Variants in EFCAB7 observed in about 807,000 individuals in gnomAD.
EFCAB7 encodes EF-hand calcium-binding domain-containing protein 7.
In EFCAB7, 66 loss-of-function variants were observed where a neutral mutation model predicts 77.1. That is an observed-to-expected ratio of 0.86 (90% CI 0.70 to 1.05). The LOEUF is 1.05. EFCAB7 is among the 50% of genes least tolerant of loss of function. EFCAB7 has a pLI of 0.00. For missense variants in EFCAB7, 638 were observed against 730.5 expected (o/e 0.87, Z 1.46); for synonymous variants, 225 against 243.3 (o/e 0.92, Z 0.70).
the EFCAB7 span, among the ~76,000 whole-genome samples, chr1:63,581,767 G>T: frequency 6.6e-6 from 1 of 152,028 alleles, no homozygotes; most frequent in Non-Finnish European, 1.5e-5. Context: ...AACCAAAAAA[G>T]CAAGAAAAAG....
At chr1:63,543,315 A>G (rs1475221883) in intron 6 of EFCAB7, among the ~76,000 whole-genome samples, 1 of 152,192 alleles carries the variant, frequency 6.6e-6, no homozygotes, top group Non-Finnish European at 1.5e-5. Context: ...TTTTCATGCT[A>G]GTACCACACC....
intron 13 of EFCAB7, among the ~76,000 whole-genome samples, chr1:63,571,726 A>G (rs918353404): frequency 6.6e-6 from 1 of 150,666 alleles, no homozygotes; most frequent in South Asian, 2.1e-4. Flanking sequence ...GTACTTCACA[A>G]AGTTAAAGTA....
At chr1:63,579,658 C>G in the EFCAB7 span, among the ~76,000 whole-genome samples, 1 of 152,192 alleles carries the variant, frequency 6.6e-6, no homozygotes, top group Admixed American at 6.5e-5. Context: ...TTTTGCACTT[C>G]CAGCAGCAAT....
In EFCAB7 at chr1:63,545,984, G is replaced by C; in HGVS notation, c.873G>C (p.Gln291His). 6.2e-7 allele frequency: 1 copy of C among 1,613,712 alleles called. No individual in the cohort carries two copies. Among genetic ancestry groups the C allele is most frequent in the Admixed American group, 1.7e-5 (1 of 60,004 alleles). ...AAGATGGTGAAATCATTAGTCATCA[G>C]TACAGGATGCAAATAGCTCAGAGGT... ...LEEDGEIISHQYRMQIAQRSM... is the reference protein window; with the variant it reads ...LEEDGEIISHHYRMQIAQRSM... The change falls in exon 7 of 14, where the codon CAG (glutamine) becomes CAC (histidine). Residue 291 changes from glutamine to histidine, a missense_variant. By Grantham distance (24) the Gln-to-His change is conservative. Coordinates refer to ENST00000371088, the MANE Select transcript of EFCAB7 (RefSeq NM_032437.4).
At chr1:63,563,290 A>T (rs1172574775) in intron 11 of EFCAB7, among the ~76,000 whole-genome samples, 1 of 152,222 alleles carries the variant, frequency 6.6e-6, no homozygotes, top group Admixed American at 6.5e-5. Flanking sequence ...TATCATTTAA[A>T]TTCAAAAGGT....
At chr1:63,562,442 AATTTATTTAT>A (rs1346875919) in intron 11 of EFCAB7, among the ~76,000 whole-genome samples, 3 of 43,952 alleles carry the variant, frequency 6.8e-5, no homozygotes, top group Admixed American at 3.1e-4. Flanking sequence ...AGGCCTTCTT[AATTTATTTAT>A]ATATATATAT....
At chr1:63,546,153 A>G in intron 7 of EFCAB7, 96 bp downstream of exon 7, 1 of 1,312,724 alleles carries the variant, frequency 7.6e-7, no homozygotes, top group Non-Finnish European at 1.0e-6. Context: ...TAGGGAAGAA[A>G]ATAATCTGCC....
chr1:63,546,397 C>G (rs1404582788), intron 7 of EFCAB7, among the ~76,000 whole-genome samples: 1 of 151,788 alleles, frequency 6.6e-6, no homozygotes, highest in Non-Finnish European at 1.5e-5. Context: ...CGGAGTCTCC[C>G]TCTGTTGCCC....
intron 7 of EFCAB7, chr1:63,550,977 T>G (rs554870712): frequency 2.6e-5 from 4 of 152,186 alleles, no homozygotes; most frequent in Non-Finnish European, 5.9e-5. Context: ...GGTAGAAATG[T>G]TAAATACACA....
intron 10 of EFCAB7, among the ~76,000 whole-genome samples, chr1:63,559,063 A>AGGCTGAGG (rs1310209123): frequency 6.6e-6 from 1 of 151,782 alleles, no homozygotes; most frequent in Non-Finnish European, 1.5e-5. Context: ...GCACTTTGGG[A>AGGCTGAGG]GGCTGAGGTG....
chr1:63,570,783 G>GATT, intron 12 of EFCAB7: 1 of 298,024 alleles, frequency 3.4e-6, no homozygotes, highest in South Asian at 8.6e-5. Flanking sequence ...TGGGAATGAA[G>GATT]ATTAAAAGGT....
At chr1:63,547,437 G>C (rs1646912678) in intron 7 of EFCAB7, 1 of 152,180 alleles carries the variant, frequency 6.6e-6, no homozygotes, top group Non-Finnish European at 1.5e-5. Context: ...TAAGTGTTAT[G>C]GGAAAATCAG....
At chr1:63,583,116 A>C in the EFCAB7 span, among the ~76,000 whole-genome samples, 2 of 152,212 alleles carry the variant, frequency 1.3e-5, no homozygotes, top group Non-Finnish European at 2.9e-5. Flanking sequence ...TTTAATGCAG[A>C]CTAATGTGCC....
chr1:63,582,073 A>G, the EFCAB7 span, among the ~76,000 whole-genome samples: 1 of 152,254 alleles, frequency 6.6e-6, no homozygotes, highest in African/African-American at 2.4e-5. Context: ...TGTTGTGAGT[A>G]TCCACTGAAA....
At chr1:63,558,272 G>A (rs190859597) in intron 10 of EFCAB7, among the ~76,000 whole-genome samples, 1,640 of 152,204 alleles carry the variant, frequency 0.011, 30 homozygotes, top group African/African-American at 0.037. Flanking sequence ...GTGGCTTTCT[G>A]ATGGTAAAGT....
Position 63,525,793 on chromosome 1 carries a change from T to G in EFCAB7, c.187+34T>G, listed in dbSNP as rs368617506. 2.1e-6 allele frequency: 3 copies of G among 1,428,952 alleles called. No individual in the cohort carries two copies. In the African/African-American group the frequency reaches 4.5e-5, roughly 21 times the overall value. The allele number at this position is 1,428,952 out of a possible 1,614,324, so 88.5% of individuals were successfully genotyped here. Reference sequence around the variant, plus strand: ...TTAAAATTTTTAAATCTTTCACCTTTTTGTTGAAAGTTAATAAATAGGTCC... The same window carrying G: ...TTAAAATTTTTAAATCTTTCACCTTGTTGTTGAAAGTTAATAAATAGGTCC... On this transcript the variant is annotated intron_variant, in intron 2 of 13. Transcript: ENST00000371088.
At chr1:63,569,904 G>A (rs1647216350) in intron 12 of EFCAB7, 1 of 152,172 alleles carries the variant, frequency 6.6e-6, no homozygotes. Flanking sequence ...GGTGAAGGGA[G>A]TTACTACGTT....
At chr1:63,543,956 CTTTTT>C (rs1288386708) in intron 6 of EFCAB7, among the ~76,000 whole-genome samples, 1 of 148,912 alleles carries the variant, frequency 6.7e-6, no homozygotes, top group East Asian at 2.0e-4. Flanking sequence ...CTTTTCTTTT[CTTTTT>C]TTCTTTTTTC....
chr1:63,563,716 C>T (rs1647137402), intron 11 of EFCAB7, among the ~76,000 whole-genome samples: 1 of 152,138 alleles, frequency 6.6e-6, no homozygotes, highest in Admixed American at 6.5e-5. Flanking sequence ...AATCTTTTTT[C>T]TTACTAAATT....
Sources: gnomAD v4.1 joint callset for allele counts (sites outside exome capture counted in the v4.1 genomes callset) on GRCh38, gnomAD v4.1.1 for gene constraint, MANE v1.5 for transcripts, NCBI Gene and HGNC (gene_info 2026-07-23, HGNC 2026-07-21) for gene names.